ADGRL2: variants seen among roughly 807,000 people sequenced by gnomAD.
ADGRL2 encodes calcium-independent alpha-latrotoxin receptor 2.
Under a neutral mutation model 157.4 loss-of-function variants are expected in ADGRL2, and 44 were observed. That is an observed-to-expected ratio of 0.28 (90% confidence interval 0.22 to 0.36). The LOEUF is 0.36. Ranked by LOEUF, ADGRL2 falls within the 10% of genes least tolerant of loss-of-function variation. The pLI, the probability that ADGRL2 is intolerant of heterozygous loss-of-function variation, is 1.00. For synonymous variants in ADGRL2, 585 were observed against 624.7 expected (o/e 0.94, Z 0.95); for missense variants, 1,510 against 1,768.9 (o/e 0.85, Z 2.63).
chr1:81,589,826 A>G (rs2081097392), intron 3 of ADGRL2, among the ~76,000 whole-genome samples: 1 of 152,190 alleles, frequency 6.6e-6, no homozygotes, highest in African/African-American at 2.4e-5. Flanking sequence ...CAAGAAAACA[A>G]TGGGAGAATT....
At chr1:81,485,127 A>G (rs983829938) in intron 2 of ADGRL2, among the ~76,000 whole-genome samples, 3 of 152,046 alleles carry the variant, frequency 2.0e-5, no homozygotes, top group South Asian at 4.1e-4. Flanking sequence ...AATTAGGTCT[A>G]AAGAAGAAAA....
intron 1 of ADGRL2, among the ~76,000 whole-genome samples, chr1:81,435,693 G>T (rs1410862659): frequency 6.6e-6 from 1 of 152,144 alleles, no homozygotes; most frequent in Non-Finnish European, 1.5e-5. Context: ...CAGAAATTTT[G>T]TCTGTTTCCT....
intron 1 of ADGRL2, among the ~76,000 whole-genome samples, chr1:81,811,566 T>C (rs377482254): frequency 6.6e-6 from 1 of 151,606 alleles, no homozygotes; most frequent in South Asian, 2.1e-4. Context: ...TGTATACTTG[T>C]GGAAAGGAAT....
chr1:81,807,606 T>C (rs1177105417), intron 1 of ADGRL2, among the ~76,000 whole-genome samples: 1 of 151,970 alleles, frequency 6.6e-6, no homozygotes, highest in East Asian at 1.9e-4. Context: ...AGTTAATTAT[T>C]GGAATTAGGG....
intron 3 of ADGRL2, among the ~76,000 whole-genome samples, chr1:81,668,403 AGTAACACTGTC>A (rs1259545387): frequency 3.5e-5 from 5 of 143,942 alleles, no homozygotes; most frequent in Non-Finnish European, 6.0e-5. Flanking sequence ...CTGGCGACAG[AGTAACACTGTC>A]AAAAAAAAAA....
chr1:81,813,015 C>T (rs1393308376), intron 1 of ADGRL2, among the ~76,000 whole-genome samples: 2 of 151,526 alleles, frequency 1.3e-5, no homozygotes, highest in Non-Finnish European at 3.0e-5. Flanking sequence ...GTTTTTCATT[C>T]GGGTGTTTAG....
intron 1 of ADGRL2, among the ~76,000 whole-genome samples, chr1:81,807,626 C>A (rs1188112369): frequency 6.6e-6 from 1 of 151,844 alleles, no homozygotes; most frequent in Non-Finnish European, 1.5e-5. Context: ...GAATTATAAT[C>A]CTTGACTTAG....
At chr1:81,856,503 G>A (rs1311448020) in intron 2 of ADGRL2, among the ~76,000 whole-genome samples, 1 of 152,122 alleles carries the variant, frequency 6.6e-6, no homozygotes, top group African/African-American at 2.4e-5. Context: ...TGCTGGTAGG[G>A]TCTCAACTGT....
At chr1:81,645,396 CAAA>C (rs374061248) in intron 3 of ADGRL2, among the ~76,000 whole-genome samples, 1,827 of 94,792 alleles carry the variant, frequency 0.019, 33 homozygotes, top group African/African-American at 0.07. Flanking sequence ...GATCCTGTCT[CAAA>C]AAAAAAAAAA....
At chr1:81,763,725 A>G in intron 2 of ADGRL2, among the ~76,000 whole-genome samples, 1 of 149,394 alleles carries the variant, frequency 6.7e-6, no homozygotes. Flanking sequence ...TCTACTAAAA[A>G]TATAAAAAAT....
intron 1 of ADGRL2, among the ~76,000 whole-genome samples, chr1:81,390,409 C>A (rs2076518500): frequency 6.6e-6 from 1 of 152,304 alleles, no homozygotes; most frequent in African/African-American, 2.4e-5. Context: ...AAATATTAGC[C>A]ATTGGTATAA....
At chr1:81,571,126 A>G (rs896005379) in intron 2 of ADGRL2, among the ~76,000 whole-genome samples, 1 of 151,690 alleles carries the variant, frequency 6.6e-6, no homozygotes, top group African/African-American at 2.4e-5. Flanking sequence ...GGAGTTGGAG[A>G]CCCGCCTGGC....
intron 1 of ADGRL2, among the ~76,000 whole-genome samples, chr1:81,728,081 TTC>T (rs1310314753): frequency 3.3e-5 from 5 of 152,302 alleles, no homozygotes; most frequent in African/African-American, 1.2e-4. Flanking sequence ...TTTCCCTAAA[TTC>T]TCATCAACTT....
intron 1 of ADGRL2, among the ~76,000 whole-genome samples, chr1:81,399,561 T>C (rs1043993603): frequency 2.0e-5 from 3 of 152,308 alleles, no homozygotes; most frequent in African/African-American, 7.2e-5. Flanking sequence ...CTTAACCAAG[T>C]CAGCTGCTGA....
At chr1:81,741,495 T>G (rs897895686) in intron 1 of ADGRL2, among the ~76,000 whole-genome samples, 1 of 152,058 alleles carries the variant, frequency 6.6e-6, no homozygotes, top group Non-Finnish European at 1.5e-5. Flanking sequence ...TCGTAGAGTA[T>G]TACCTTTACT....
chr1:81,721,152 G>A (rs1011776295), intron 1 of ADGRL2, among the ~76,000 whole-genome samples: 4 of 150,150 alleles, frequency 2.7e-5, no homozygotes, highest in African/African-American at 9.8e-5. Context: ...GATTACGGGT[G>A]TGAGCCACCG....
At chr1:81,703,045 G>A (rs1252512063) in intron 1 of ADGRL2, among the ~76,000 whole-genome samples, 3 of 152,176 alleles carry the variant, frequency 2.0e-5, no homozygotes, top group South Asian at 2.1e-4. Context: ...ATGGTCAATC[G>A]CGCTGATTAA....
chr1:81,799,005 A>C (rs2087732306), upstream of ADGRL2, among the ~76,000 whole-genome samples: 2 of 152,146 alleles, frequency 1.3e-5, no homozygotes, highest in Non-Finnish European at 2.9e-5. Context: ...TATCAGTTTG[A>C]CTTATTCTCT....
chr1:81,422,226 T>A (rs1050419298), intron 1 of ADGRL2, among the ~76,000 whole-genome samples: 16 of 152,132 alleles, frequency 1.1e-4, no homozygotes, highest in Admixed American at 1.0e-3. Context: ...TTAAGAGGTA[T>A]AAAGATGCAT....
Sources: allele counts gnomAD v4.1 joint callset (sites outside exome capture counted in the v4.1 genomes callset), GRCh38; gene constraint gnomAD v4.1.1; transcripts MANE v1.5; gene names NCBI Gene and HGNC (gene_info 2026-07-23, HGNC 2026-07-21).